Variants in IQCH observed in about 807,000 individuals in gnomAD.
IQCH encodes IQ domain-containing protein H.
Under a neutral mutation model 117.0 loss-of-function variants are expected in IQCH, and 98 were observed. The observed-to-expected ratio is 0.84, with a 90% CI of 0.71 to 0.99. The LOEUF is 0.99. Among genes scored for constraint, IQCH ranks in the 50% least tolerant of loss-of-function variants. The pLI is 0.00. For missense variants in IQCH, 1,102 were observed against 1,243.8 expected (o/e 0.89, Z 1.72); for synonymous variants, 412 against 448.2 (o/e 0.92, Z 1.02).
rs1015468189 is a variant in IQCH, at chr15:67,454,281, C to T, written c.2506-10846C>T. ...CTCCCCAGTGAGATGAACCCGGTAC[C>T]TCAGTTGGAAATGCAGAAATCACCC... On this transcript the variant is annotated intron_variant, in intron 16 of 20. Coordinates refer to ENST00000335894, the MANE Select transcript of IQCH (RefSeq NM_001031715.3). The surrounding 1 kb of genome is among the most constrained non-coding windows in gnomAD (Gnocchi z 5.2). Among the ~76,000 whole-genome samples, 1 of 152,178 alleles carries T rather than the reference C, an allele frequency of 6.6e-6. No homozygotes were observed. The highest frequency in any genetic ancestry group is 6.5e-5 in the Admixed American group (1 of 15,280).
Position 67,500,577 on chromosome 15 carries a change from T to TG in IQCH, c.2971-51dup. ...TGAACTCCCAAAAGGACCAGATGCT[T>TG]GGGGGAGAGGGATTGTAAGAGGTCT... On this transcript the variant is annotated intron_variant, in intron 20 of 20. Coordinates refer to ENST00000335894, the MANE Select transcript of IQCH (RefSeq NM_001031715.3). This position sits in a 1 kb window ranked among gnomAD's most constrained non-coding sequence, Gnocchi z 4.4. The TG allele has an allele frequency of 1.2e-5, 10 of 860,308 alleles. No homozygotes were observed. Among genetic ancestry groups the TG allele is most frequent in the Non-Finnish European group, 1.9e-5 (10 of 536,114 alleles). The allele number at this position is 860,308 out of a possible 1,614,324, so 53.3% of individuals were successfully genotyped here. A position where few individuals can be genotyped will look rare whatever the true frequency, so the allele number is the denominator to read the frequency against.
chr15:67,340,426 CA>C lies in IQCH; in HGVS notation c.508+3369del, dbSNP rs57244130. On this transcript the variant is annotated intron_variant, in intron 5 of 20. Coordinates refer to ENST00000335894, the MANE Select transcript of IQCH (RefSeq NM_001031715.3). ...TGGGCAACAGAGAGATACTCCATCT[CA>C]AAAAAAAAAAAAAAAAAAAAAAAAA... Among the ~76,000 whole-genome samples the C allele has an allele frequency of 1.4e-3, 90 of 62,660 alleles. 7 individuals carry two copies. The East Asian group carries it at 0.053, about 37-fold the overall frequency. 41.1% of individuals were successfully genotyped at this position (62,660 alleles called of 152,430 possible).
At chr15:67,300,425 A>G (rs987231097) in intron 4 of IQCH, among the ~76,000 whole-genome samples, 2 of 152,198 alleles carry the variant, frequency 1.3e-5, no homozygotes, top group African/African-American at 4.8e-5. Flanking sequence ...TAGATCATAC[A>G]GCTCAAATCA....
Position 67,362,179 on chromosome 15 carries a change from G to A in IQCH, c.753+2294G>A, listed in dbSNP as rs185064315. ...CACACACACACACACACATACACAC[G>A]TATATTTACAGCAAAGACGACAAAA... On this transcript the variant is annotated intron_variant, in intron 8 of 20. Coordinates refer to ENST00000335894, the MANE Select transcript of IQCH (RefSeq NM_001031715.3). Among the ~76,000 whole-genome samples, 24 of 144,572 alleles carry A rather than the reference G, an allele frequency of 1.7e-4. 1 individual carries two copies. Among genetic ancestry groups the A allele is most frequent in the Non-Finnish European group, 2.4e-4 (16 of 65,462 alleles). 94.8% of individuals were successfully genotyped at this position (144,572 alleles called of 152,430 possible). A position where few individuals can be genotyped will look rare whatever the true frequency, so the allele number is the denominator to read the frequency against.
At chr15:67,267,092 TC>T (rs1965708054) in intron 3 of IQCH, among the ~76,000 whole-genome samples, 1 of 152,230 alleles carries the variant, frequency 6.6e-6, no homozygotes, top group Admixed American at 6.5e-5. Flanking sequence ...GCCTCCACTC[TC>T]AGGTTGCCTC....
intron 4 of IQCH, among the ~76,000 whole-genome samples, chr15:67,299,603 A>T (rs1034816394): frequency 6.6e-6 from 1 of 152,164 alleles, no homozygotes; most frequent in Non-Finnish European, 1.5e-5. Flanking sequence ...AAAATAAAAA[A>T]ATTTTAATGT....
rs1235698543 is a variant in IQCH at position 67,474,792 on chromosome 15, T to G, written c.2677-904T>G. On this transcript the variant is annotated intron_variant, in intron 17 of 20. Transcript: ENST00000335894. This position sits in a 1 kb window ranked among gnomAD's most constrained non-coding sequence, Gnocchi z 4.1. ...AAATCTGTAAAGTTTTTTCACAAGC[T>G]TCAAAAGCCACTGTAGCCAGGTGAT... Among the ~76,000 whole-genome samples the G allele has an allele frequency of 1.3e-5, 2 of 152,172 alleles. No individual in the cohort carries two copies. Among genetic ancestry groups the G allele is most frequent in the Non-Finnish European group, 2.9e-5 (2 of 68,024 alleles).
At position 67,456,911 on chromosome 15, in the gene IQCH, A is replaced by AGAG. The variant is rs567641162; in HGVS notation, c.2506-8215_2506-8213dup. Among the ~76,000 whole-genome samples the AGAG allele has an allele frequency of 6.4e-4, 97 of 152,274 alleles. No individual in the cohort carries two copies. Among genetic ancestry groups the AGAG allele is most frequent in the African/African-American group, 2.3e-3 (94 of 41,570 alleles). On this transcript the variant is annotated intron_variant, in intron 16 of 20. Transcript: ENST00000335894. This position sits in a 1 kb window ranked among gnomAD's most constrained non-coding sequence, Gnocchi z 5.1. ...AGGCAGTGTCCAAGGGGATTGGTAC[A>AGAG]GAGATGGAAGCTCTAGTTGCTCAAA...
At chr15:67,414,343 A>G (rs2081521441) in intron 14 of IQCH, among the ~76,000 whole-genome samples, 1 of 152,198 alleles carries the variant, frequency 6.6e-6, no homozygotes, top group Non-Finnish European at 1.5e-5. Flanking sequence ...GCTGGAGAGC[A>G]CGGAGAAAGC....
At chr15:67,322,323 T>C (rs1968173101) in intron 4 of IQCH, among the ~76,000 whole-genome samples, 1 of 152,240 alleles carries the variant, frequency 6.6e-6, no homozygotes, top group Non-Finnish European at 1.5e-5. Context: ...TTTTGCTTAC[T>C]GTTTGCATGG....
rs566291268 is a variant in IQCH at position 67,478,013 on chromosome 15, G to A, written c.2799+2195G>A. ...TTTATAGGGGAAACAGATGGCTAACGCCGAGGGAAGCAGGTGGATGGCGCA... is the reference window on the plus strand; with the variant it reads ...TTTATAGGGGAAACAGATGGCTAACACCGAGGGAAGCAGGTGGATGGCGCA... On this transcript the variant is annotated intron_variant, in intron 18 of 20. Coordinates refer to ENST00000335894, the MANE Select transcript of IQCH (RefSeq NM_001031715.3). Among the ~76,000 whole-genome samples the A allele has an allele frequency of 1.2e-3, 184 of 152,290 alleles. 2 individuals carry two copies. The highest frequency in any genetic ancestry group is 3.4e-3 in the Middle Eastern group (1 of 294).
intron 10 of IQCH, among the ~76,000 whole-genome samples, chr15:67,383,297 T>G (rs1426634534): frequency 6.6e-6 from 1 of 152,234 alleles, no homozygotes; most frequent in Non-Finnish European, 1.5e-5. Context: ...GTAGACATTT[T>G]ATATGCATTC....
chr15:67,387,304 G>A lies in IQCH; in HGVS notation c.1457-1527G>A, dbSNP rs867904498. On this transcript the variant is annotated intron_variant, in intron 11 of 20. Transcript: ENST00000335894. This position sits in a 1 kb window ranked among gnomAD's most constrained non-coding sequence, Gnocchi z 4.8. ...TCACTTCAGAAAACACCCCCTCTAGGTCTCTAGAGAGATTTCTCTATGTAT... is the reference window on the plus strand; with the variant it reads ...TCACTTCAGAAAACACCCCCTCTAGATCTCTAGAGAGATTTCTCTATGTAT... Among the ~76,000 whole-genome samples the A allele has an allele frequency of 2.6e-5, 4 of 152,116 alleles. No individual in the cohort carries two copies. The highest frequency in any genetic ancestry group is 2.1e-4 in the South Asian group (1 of 4,810).
rs780149154 is a variant in IQCH at position 67,490,054 on chromosome 15, T to C, written c.2851T>C (p.Leu951=). 51 of 1,610,384 alleles carry C rather than the reference T, an allele frequency of 3.2e-5. 1 individual carries two copies. In the South Asian group the frequency reaches 5.2e-4, roughly 16 times the overall value. Residue 951 remains leucine, a synonymous_variant, in exon 19 of 21, where the codon TTG becomes CTG. Coordinates refer to ENST00000335894, the MANE Select transcript of IQCH (RefSeq NM_001031715.3). The surrounding 1 kb of genome is among the most constrained non-coding windows in gnomAD (Gnocchi z 4.9). The part of the protein sequence containing the change: ...ILYEHLKRHK[L]GMLTIGEDLQ... ...ATATGAGCACCTGAAGAGACACAAG[T>C]TGGGAATGTTGTGAGTATGAAGTGT...
At chr15:67,371,620 G>T in intron 8 of IQCH, 1 of 800,222 alleles carries the variant, frequency 1.2e-6, no homozygotes, top group South Asian at 1.9e-5. Flanking sequence ...ATGCTAAAAA[G>T]TGATGATCTT....
At chr15:67,263,979 A>G (rs1965564707) in intron 3 of IQCH, among the ~76,000 whole-genome samples, 1 of 152,244 alleles carries the variant, frequency 6.6e-6, no homozygotes, top group Non-Finnish European at 1.5e-5. Context: ...TGTTTTATAT[A>G]TGCACCCAGC....
Position 67,385,688 on chromosome 15 carries a change from G to A in IQCH, c.1456+669G>A, listed in dbSNP as rs1041815940. Among the ~76,000 whole-genome samples, 7 of 152,182 alleles carry A rather than the reference G, an allele frequency of 4.6e-5. No homozygotes were observed. The highest frequency in any genetic ancestry group is 2.1e-4 in the South Asian group (1 of 4,816). The stretch of plus-strand genomic sequence containing the variant: ...CTTTGGTTGACACTGTTCAAGGCCC[G>A]GGTTCCGATTAGGCTCTAAGAATAT... On this transcript the variant is annotated intron_variant, in intron 11 of 20. Coordinates refer to ENST00000335894, the MANE Select transcript of IQCH (RefSeq NM_001031715.3). The surrounding 1 kb of genome is among the most constrained non-coding windows in gnomAD (Gnocchi z 4.6).
At position 67,458,995 on chromosome 15, in the gene IQCH, G is replaced by A. The variant is rs541327194; in HGVS notation, c.2506-6132G>A. 2.4e-4 allele frequency among the ~76,000 whole-genome samples: 37 copies of A among 152,300 alleles called. No homozygotes were observed. In the East Asian group the frequency reaches 6.4e-3, roughly 26 times the overall value. On this transcript the variant is annotated intron_variant, in intron 16 of 20. Coordinates refer to ENST00000335894, the MANE Select transcript of IQCH (RefSeq NM_001031715.3). The surrounding 1 kb of genome is among the most constrained non-coding windows in gnomAD (Gnocchi z 4.1). The stretch of plus-strand genomic sequence containing the variant: ...ATATGATAAATATACACAATTCCCT[G>A]TTAGCCTCATAGATACATCTGGAGG...
At chr15:67,305,620 T>C (rs1430595323) in intron 4 of IQCH, among the ~76,000 whole-genome samples, 1 of 152,150 alleles carries the variant, frequency 6.6e-6, no homozygotes, top group Non-Finnish European at 1.5e-5. Flanking sequence ...GTTGTTGGTT[T>C]TCCTCTTCCA....
Sources: allele counts gnomAD v4.1 joint callset (sites outside exome capture counted in the v4.1 genomes callset), GRCh38; gene constraint gnomAD v4.1.1; non-coding constraint Gnocchi (gnomAD v3.1); transcripts MANE v1.5; gene names NCBI Gene and HGNC (gene_info 2026-07-23, HGNC 2026-07-21).